AGO3: variants seen among roughly 807,000 people sequenced by gnomAD.
AGO3 encodes argonaute RISC catalytic component 3, also known as protein argonaute-3.
In AGO3, 16 loss-of-function variants were observed where a neutral mutation model predicts 105.5. The observed-to-expected ratio is 0.15, with a 90% CI of 0.10 to 0.23. The LOEUF is 0.23. AGO3 is among the 10% of genes least tolerant of loss of function. The pLI, the probability that AGO3 is intolerant of heterozygous loss-of-function variation, is 1.00. For missense variants in AGO3, 534 were observed against 1,088.0 expected, an observed-to-expected ratio of 0.49 and a Z score of 7.16; for synonymous variants, 340 against 367.3, an observed-to-expected ratio of 0.93 and a Z score of 0.85.
At chr1:36,003,108 TAA>T (rs1432871138) in intron 5 of AGO3, among the ~76,000 whole-genome samples, 2 of 150,002 alleles carry the variant, frequency 1.3e-5, no homozygotes, top group African/African-American at 4.9e-5. Flanking sequence ...AATAAATAAA[TAA>T]AGTTTACACT....
rs367968988 is a variant in AGO3, at chr1:36,020,606, CATTTATTT to C, written c.1407-6488_1407-6481del. Reference sequence around the variant, plus strand: ...GAAGTTATTTTTAATAACTGCCATACATTTATTTATTTATTTATTTATTTATTGAGACG... The same window carrying C: ...GAAGTTATTTTTAATAACTGCCATACATTTATTTATTTATTTATTGAGACG... On this transcript the variant is annotated intron_variant, in intron 11 of 18. Transcript: ENST00000373191. 5.4e-3 allele frequency among the ~76,000 whole-genome samples: 825 copies of C among 151,926 alleles called. 11 individuals are homozygous for C. The highest frequency in any genetic ancestry group is 0.019 in the African/African-American group (769 of 41,444).
intron 1 of AGO3, among the ~76,000 whole-genome samples, chr1:35,940,798 A>G (rs1443861056): frequency 6.6e-6 from 1 of 152,132 alleles, no homozygotes; most frequent in Non-Finnish European, 1.5e-5. Context: ...TTTTCAGGGT[A>G]CCACTCTCTC....
chr1:35,962,128 G>A (rs1354749439), intron 2 of AGO3, among the ~76,000 whole-genome samples: 1 of 152,132 alleles, frequency 6.6e-6, no homozygotes, highest in East Asian at 1.9e-4. Context: ...TAGGGCACTA[G>A]ATATGTTTCC....
rs752328989 is a variant in AGO3 at position 36,039,988 on chromosome 1, G to A, written c.2037+4G>A. On this transcript the variant is annotated splice_donor_region_variant and intron_variant, in intron 15 of 18. Coordinates refer to ENST00000373191, the MANE Select transcript of AGO3 (RefSeq NM_024852.4). ...TTCAGAGGGGCAGTTTAGGCAGGTTGGTTACCTAGAATCTCATCAGACTAT... is the reference window on the plus strand; with the variant it reads ...TTCAGAGGGGCAGTTTAGGCAGGTTAGTTACCTAGAATCTCATCAGACTAT... The A allele has an allele frequency of 4.4e-6, 7 of 1,607,888 alleles. No individual in the cohort carries two copies. In the African/African-American group the frequency reaches 9.4e-5, roughly 22 times the overall value.
intron 9 of AGO3, among the ~76,000 whole-genome samples, chr1:36,009,920 A>C (rs1460728741): frequency 6.7e-6 from 1 of 148,308 alleles, no homozygotes; most frequent in African/African-American, 2.5e-5. Flanking sequence ...TATGACTAGC[A>C]ATACTAAAAT....
At chr1:35,981,708 C>T (rs2148784055) in intron 5 of AGO3, among the ~76,000 whole-genome samples, 1 of 152,266 alleles carries the variant, frequency 6.6e-6, no homozygotes, top group South Asian at 2.1e-4. Flanking sequence ...TGAGATCTGT[C>T]ACTTCCAAAC....
chr1:36,041,133 T>G (rs115728575), intron 16 of AGO3, among the ~76,000 whole-genome samples: 2,219 of 151,362 alleles, frequency 0.015, 47 homozygotes, highest in African/African-American at 0.051. Flanking sequence ...CCATGTTTCC[T>G]TTAAAGTTCA....
At chr1:35,984,318 G>C (rs1287696801) in intron 5 of AGO3, among the ~76,000 whole-genome samples, 2 of 152,206 alleles carry the variant, frequency 1.3e-5, no homozygotes, top group South Asian at 2.1e-4. Flanking sequence ...CTGGGCAACA[G>C]AGTGAGACCC....
intron 1 of AGO3, among the ~76,000 whole-genome samples, chr1:35,940,630 C>CG (rs1646236919): frequency 6.6e-6 from 1 of 152,152 alleles, no homozygotes; most frequent in Middle Eastern, 3.2e-3. Flanking sequence ...TCTTTTTGAA[C>CG]TTACTACAGT....
At chr1:36,036,452 G>C (rs753198240) in intron 14 of AGO3, among the ~76,000 whole-genome samples, 185 bp downstream of exon 14, 3 of 152,112 alleles carry the variant, frequency 2.0e-5, no homozygotes, top group Non-Finnish European at 4.4e-5. Flanking sequence ...ATTAAATCAA[G>C]TTTGCTAGTT....
Position 36,009,014 on chromosome 1 carries a change from G to A in AGO3, c.999G>A (p.Gln333=). The change falls in exon 8 of 19, where the codon CAG becomes CAA. Residue 333 remains glutamine (Q), a synonymous_variant. Coordinates refer to ENST00000373191, the MANE Select transcript of AGO3 (RefSeq NM_024852.4). ...YPHLPCLQVG[Q]EQKHTYLPLE... ...ACCTTCCCTGTCTGCAAGTCGGGCA[G>A]GAACAGAAACACACCTACCTGCCAC... The A allele has an allele frequency of 6.3e-7, 1 of 1,592,570 alleles. No homozygotes were observed. Among genetic ancestry groups the A allele is most frequent in the East Asian group, 2.3e-5 (1 of 44,066 alleles).
intron 11 of AGO3, among the ~76,000 whole-genome samples, chr1:36,018,179 A>G (rs1278726374): frequency 6.6e-6 from 1 of 151,800 alleles, no homozygotes; most frequent in East Asian, 2.0e-4. Context: ...TCACCACGTT[A>G]GCCAGGATGG....
rs1643154034 is a variant in AGO3 at position 36,070,944 on chromosome 1, G to A, written c.*15199G>A. The stretch of plus-strand genomic sequence containing the variant: ...GGACTAGTACGTGGATGCATTCATA[G>A]GCTTTGGGAAGCAGTGGTGTGCGTA... On this transcript the variant is annotated 3_prime_UTR_variant, in exon 19 of 19. Coordinates refer to ENST00000373191, the MANE Select transcript of AGO3 (RefSeq NM_024852.4). The A allele has an allele frequency of 6.6e-6, 1 of 152,074 alleles. No individual in the cohort carries two copies. 9.4% of individuals were successfully genotyped at this position (152,074 alleles called of 1,614,324 possible).
chr1:35,934,466 A>C (rs1469314218), intron 1 of AGO3, among the ~76,000 whole-genome samples: 1 of 152,180 alleles, frequency 6.6e-6, no homozygotes, highest in Non-Finnish European at 1.5e-5. Context: ...TAATAATAAA[A>C]GTTTTAGAAA....
Position 36,057,935 on chromosome 1 carries a change from T to TTGCAC in AGO3, c.*2192_*2196dup, listed in dbSNP as rs1457773601. ...GTTACAGTGAGCCAAGACTGCACCA[T>TTGCAC]TGCACTCCAGCCTGGGCAACAAAAC... is the stretch of plus-strand genomic sequence containing the variant. On this transcript the variant is annotated 3_prime_UTR_variant, in exon 19 of 19. Transcript: ENST00000373191. 7 of 151,896 alleles carry TTGCAC rather than the reference T, an allele frequency of 4.6e-5. No individual in the cohort carries two copies. The highest frequency in any genetic ancestry group is 1.7e-4 in the African/African-American group (7 of 41,422). 9.4% of individuals were successfully genotyped at this position (151,896 alleles called of 1,614,324 possible). A position where few individuals can be genotyped will look rare whatever the true frequency, so the allele number is the denominator to read the frequency against.
At chr1:35,991,539 A>G (rs1289936311) in intron 5 of AGO3, among the ~76,000 whole-genome samples, 1 of 147,704 alleles carries the variant, frequency 6.8e-6, no homozygotes, top group East Asian at 1.9e-4. Context: ...CAAATTTTAT[A>G]TATATATATA....
intron 16 of AGO3, among the ~76,000 whole-genome samples, chr1:36,041,496 C>G (rs888676026): frequency 3.3e-5 from 5 of 152,096 alleles, no homozygotes; most frequent in African/African-American, 1.2e-4. Flanking sequence ...CTGCCTCGGC[C>G]TGCCAAAGTG....
chr1:35,958,380 TA>T lies in AGO3; in HGVS notation c.192-8565del, dbSNP rs1247036322. On this transcript the variant is annotated intron_variant, in intron 2 of 18. Transcript: ENST00000373191. ...TAGGCGACAGAATAAGACTCCATAATAAAAAAAAAAGAAAAATTTTTGTTCT... is the reference window on the plus strand; with the variant it reads ...TAGGCGACAGAATAAGACTCCATAATAAAAAAAAAGAAAAATTTTTGTTCT... Among the ~76,000 whole-genome samples, 11 of 145,416 alleles carry T rather than the reference TA, an allele frequency of 7.6e-5. No homozygotes were observed. The East Asian group carries it at 8.0e-4, about 11-fold the overall frequency.
intron 6 of AGO3, chr1:36,005,757 C>G: frequency 2.0e-5 from 20 of 985,334 alleles, no homozygotes; most frequent in Non-Finnish European, 2.4e-5. Flanking sequence ...CAACTGCTGC[C>G]CGAAGAGCAT....
Sources: allele counts gnomAD v4.1 joint callset (sites outside exome capture counted in the v4.1 genomes callset), GRCh38; gene constraint gnomAD v4.1.1; transcripts MANE v1.5; gene names NCBI Gene and HGNC (gene_info 2026-07-23, HGNC 2026-07-21).